Variants in GREB1L observed in about 807,000 individuals in gnomAD.
The protein encoded by GREB1L is GREB1-like protein.
Under a neutral mutation model 200.8 loss-of-function variants are expected in GREB1L, and 17 were observed. The ratio of observed to expected loss-of-function variants is 0.08; its 90% CI spans 0.06 to 0.13. The LOEUF (loss-of-function observed/expected upper bound fraction) is 0.13. Ranked by LOEUF, GREB1L falls within the 10% of genes least tolerant of loss-of-function variation. The probability of loss-of-function intolerance (pLI) is 1.00; values close to 1 mark genes in which losing one functional copy is unlikely to be tolerated. For missense variants in GREB1L, 1,657 were observed against 2,367.7 expected (o/e 0.70, Z 6.23); for synonymous variants, 789 against 893.0 (o/e 0.88, Z 2.08).
intron 2 of GREB1L, chr18:21,380,477 T>G (rs139156544): frequency 1.3e-5 from 2 of 152,230 alleles, no homozygotes; most frequent in East Asian, 3.9e-4. Flanking sequence ...CTCTCTTTGA[T>G]AGAAGGGGGG....
chr18:21,258,974 G>GTC (rs2037846599), intron 1 of GREB1L, among the ~76,000 whole-genome samples: 1 of 152,134 alleles, frequency 6.6e-6, no homozygotes, highest in African/African-American at 2.4e-5. Flanking sequence ...GACATTTCCT[G>GTC]TACAGTATAG....
At chr18:21,434,094 C>T (rs1160426182) in intron 7 of GREB1L, among the ~76,000 whole-genome samples, 1 of 151,986 alleles carries the variant, frequency 6.6e-6, no homozygotes, top group African/African-American at 2.4e-5. Context: ...GAGAAAAATG[C>T]TTTCTCCTAC....
intron 1 of GREB1L, among the ~76,000 whole-genome samples, chr18:21,268,171 C>T (rs1238282993): frequency 1.3e-5 from 2 of 151,904 alleles, no homozygotes; most frequent in Non-Finnish European, 2.9e-5. Context: ...TAGGCAGGTG[C>T]TTGATGAGCA....
chr18:21,391,102 G>A (rs940564163), intron 4 of GREB1L, among the ~76,000 whole-genome samples: 33 of 152,200 alleles, frequency 2.2e-4, no homozygotes, highest in African/African-American at 7.7e-4. Context: ...CATTTACAAA[G>A]TGTACAGTAA....
chr18:21,500,102 C>T lies in GREB1L; in HGVS notation c.3765C>T (p.Ser1255=). Reference sequence around the variant, plus strand: ...GTGGCAAGCTGCCATCCTCCTCCTCCCTGCTGCCCCACGCCGACGTGGCCT... The same window carrying T: ...GTGGCAAGCTGCCATCCTCCTCCTCTCTGCTGCCCCACGCCGACGTGGCCT... ...QKSGKLPSSS[S]LLPHADVAWV... is the part of the protein sequence containing the mutation. Residue 1255 remains serine (S), a synonymous_variant, in exon 22 of 33, where the codon TCC becomes TCT. Coordinates refer to ENST00000424526, the MANE Select transcript of GREB1L (RefSeq NM_001142966.3). 1 of 1,551,762 alleles carries T rather than the reference C, an allele frequency of 6.4e-7. No individual in the cohort carries two copies. Among genetic ancestry groups the T allele is most frequent in the African/African-American group, 1.4e-5 (1 of 73,196 alleles).
At chr18:21,351,911 A>C (rs147737061) in intron 1 of GREB1L, among the ~76,000 whole-genome samples, 11 of 151,910 alleles carry the variant, frequency 7.2e-5, no homozygotes, top group African/African-American at 2.4e-4. Flanking sequence ...GCAGTGGCAC[A>C]ATCTTGGCTC....
chr18:21,275,676 C>A (rs1283987076), intron 1 of GREB1L, among the ~76,000 whole-genome samples: 6 of 152,112 alleles, frequency 3.9e-5, no homozygotes, highest in African/African-American at 1.4e-4. Flanking sequence ...TGTTAATATT[C>A]TCTACATATA....
At chr18:21,512,547 T>C (rs980066838) in intron 27 of GREB1L, among the ~76,000 whole-genome samples, 1 of 152,202 alleles carries the variant, frequency 6.6e-6, no homozygotes, top group Non-Finnish European at 1.5e-5. Flanking sequence ...CACATATTCA[T>C]TCTAAAGGGG....
intron 7 of GREB1L, among the ~76,000 whole-genome samples, chr18:21,437,184 C>T (rs1168165007): frequency 6.6e-6 from 1 of 152,134 alleles, no homozygotes; most frequent in Non-Finnish European, 1.5e-5. Flanking sequence ...CTGCCATAAC[C>T]TCCCAAATTG....
intron 1 of GREB1L, among the ~76,000 whole-genome samples, chr18:21,330,550 C>G (rs2039092344): frequency 6.6e-6 from 1 of 152,186 alleles, no homozygotes; most frequent in Non-Finnish European, 1.5e-5. Context: ...GACCTTTGCC[C>G]TGCATGTTTT....
At chr18:21,267,529 A>G (rs1235556147) in intron 1 of GREB1L, among the ~76,000 whole-genome samples, 1 of 152,048 alleles carries the variant, frequency 6.6e-6, no homozygotes, top group South Asian at 2.1e-4. Flanking sequence ...CCACCTCCCC[A>G]TTACATCATG....
At chr18:21,487,670 ACTT>A (rs1598915000) in intron 18 of GREB1L, among the ~76,000 whole-genome samples, 1 of 152,186 alleles carries the variant, frequency 6.6e-6, no homozygotes, top group East Asian at 1.9e-4. Flanking sequence ...AAGCAGCTGA[ACTT>A]CTCTCTGCCC....
chr18:21,518,355 T>A lies in GREB1L; in HGVS notation c.5472+121T>A, dbSNP rs2037495927. On this transcript the variant is annotated intron_variant, in intron 31 of 32. Coordinates refer to ENST00000424526, the MANE Select transcript of GREB1L (RefSeq NM_001142966.3). ...TCAATCAAGATGCCAGTCTGGTCCT[T>A]TGCCAGAACTTTTATTAAAGATAGT... 11 of 904,058 alleles carry A rather than the reference T, an allele frequency of 1.2e-5. No homozygotes were observed. In the South Asian group the frequency reaches 1.9e-4, roughly 16 times the overall value. The allele number at this position is 904,058 out of a possible 1,614,324, so 56.0% of individuals were successfully genotyped here.
chr18:21,292,184 GT>G (rs926835870), intron 1 of GREB1L, among the ~76,000 whole-genome samples: 38 of 152,172 alleles, frequency 2.5e-4, no homozygotes, highest in African/African-American at 8.2e-4. Context: ...GCCTTGTTAG[GT>G]GCTACTGGCA....
At chr18:21,508,360 A>G in intron 26 of GREB1L, 27 bp from the exon 27 acceptor site, 8 of 1,550,574 alleles carry the variant, frequency 5.2e-6, no homozygotes, top group Non-Finnish European at 6.1e-6. Flanking sequence ...ATTTCCCTTT[A>G]TGGTCTGTTT....
At chr18:21,498,846 T>G (rs1206856041) in intron 21 of GREB1L, among the ~76,000 whole-genome samples, 2 of 152,184 alleles carry the variant, frequency 1.3e-5, no homozygotes, top group Non-Finnish European at 1.5e-5. Flanking sequence ...TTTAATCATG[T>G]CTTGTTGATG....
At chr18:21,249,824 C>T (rs1305262412) in intron 1 of GREB1L, among the ~76,000 whole-genome samples, 5 of 151,042 alleles carry the variant, frequency 3.3e-5, no homozygotes, top group Admixed American at 3.3e-4. Flanking sequence ...TGCGCCATTG[C>T]ACTCCAGCCT....
At chr18:21,257,864 A>G (rs993013736) in intron 1 of GREB1L, among the ~76,000 whole-genome samples, 1 of 152,218 alleles carries the variant, frequency 6.6e-6, no homozygotes, top group Admixed American at 6.5e-5. Flanking sequence ...CATTGTGCAC[A>G]TATCATTTCT....
chr18:21,455,715 A>G (rs1322843331), intron 15 of GREB1L, among the ~76,000 whole-genome samples: 1 of 151,790 alleles, frequency 6.6e-6, no homozygotes, highest in African/African-American at 2.4e-5. Context: ...TTTACTTTCA[A>G]TATATTTAAA....
Sources: gnomAD v4.1 joint callset for allele counts (sites outside exome capture counted in the v4.1 genomes callset) on GRCh38, gnomAD v4.1.1 for gene constraint, MANE v1.5 for transcripts, NCBI Gene and HGNC (gene_info 2026-07-23, HGNC 2026-07-21) for gene names.